Variants in AKAP19 observed in about 807,000 individuals in gnomAD.
AKAP19 encodes small A-kinase anchoring protein.
At chr2:190,096,528 C>G in the AKAP19 span, among the ~76,000 whole-genome samples, 1 of 152,142 alleles carries the variant, frequency 6.6e-6, no homozygotes, top group South Asian at 2.1e-4. Context: ...AGGGAGTTTG[C>G]TGCCTGTCTG....
At chr2:189,903,136 A>G in the AKAP19 span, among the ~76,000 whole-genome samples, 1 of 151,964 alleles carries the variant, frequency 6.6e-6, no homozygotes, top group African/African-American at 2.4e-5. Flanking sequence ...AAGATGGGCA[A>G]GATAGCTATA....
the AKAP19 span, among the ~76,000 whole-genome samples, chr2:190,182,140 T>C: frequency 6.6e-6 from 1 of 152,236 alleles, no homozygotes; most frequent in South Asian, 2.1e-4. Flanking sequence ...CACATTTTGA[T>C]TGAACACTTC....
the AKAP19 span, chr2:189,917,446 G>T: frequency 2.7e-6 from 2 of 735,990 alleles, no homozygotes; most frequent in Non-Finnish European, 4.7e-6. Context: ...TTTCTAGCTC[G>T]ATGTTTTTCA....
chr2:189,925,659 A>G, the AKAP19 span, among the ~76,000 whole-genome samples: 5 of 152,104 alleles, frequency 3.3e-5, no homozygotes, highest in Non-Finnish European at 7.4e-5. Flanking sequence ...TGTGCAATAC[A>G]TGTTTTCCGA....
At chr2:190,148,282 A>C in the AKAP19 span, among the ~76,000 whole-genome samples, 2 of 152,094 alleles carry the variant, frequency 1.3e-5, no homozygotes, top group African/African-American at 4.8e-5. Flanking sequence ...TTTTGTTTTC[A>C]ATTCTGTTTA....
the AKAP19 span, among the ~76,000 whole-genome samples, chr2:189,882,804 A>G: frequency 3.3e-5 from 5 of 152,110 alleles, no homozygotes; most frequent in African/African-American, 1.2e-4. Context: ...AGGGAGGTAC[A>G]TAGCTTTTAA....
chr2:189,930,749 T>C, the AKAP19 span: 1 of 686,486 alleles, frequency 1.5e-6, no homozygotes. Flanking sequence ...CACTCCCAGA[T>C]CTGTTTTACT....
the AKAP19 span, among the ~76,000 whole-genome samples, chr2:190,001,207 G>A: frequency 2.0e-5 from 3 of 151,964 alleles, no homozygotes; most frequent in African/African-American, 7.2e-5. Context: ...ATCTCTATCT[G>A]TTGGTTCTTT....
At chr2:190,103,802 A>G in the AKAP19 span, among the ~76,000 whole-genome samples, 1 of 152,222 alleles carries the variant, frequency 6.6e-6, no homozygotes, top group Non-Finnish European at 1.5e-5. Context: ...TCAAACTACC[A>G]ATGTCATTTT....
chr2:189,927,802 G>A, the AKAP19 span, among the ~76,000 whole-genome samples: 1 of 152,130 alleles, frequency 6.6e-6, no homozygotes, highest in Non-Finnish European at 1.5e-5. Context: ...CTAGCCATAT[G>A]TGGCTATTTA....
chr2:190,058,455 A>G, the AKAP19 span, among the ~76,000 whole-genome samples: 1 of 152,042 alleles, frequency 6.6e-6, no homozygotes, highest in Non-Finnish European at 1.5e-5. Flanking sequence ...ACTGTCAAAA[A>G]TAATAATATC....
chr2:190,141,542 C>A, the AKAP19 span, among the ~76,000 whole-genome samples: 1 of 152,128 alleles, frequency 6.6e-6, no homozygotes, highest in Non-Finnish European at 1.5e-5. Context: ...CACTGCTGAG[C>A]AAAGAGGGAA....
chr2:190,106,896 C>T, the AKAP19 span, among the ~76,000 whole-genome samples: 14 of 152,212 alleles, frequency 9.2e-5, 1 homozygote, highest in Admixed American at 9.2e-4. Flanking sequence ...TAAGTGGTGA[C>T]CATCACTGAG....
At chr2:189,986,020 T>G in the AKAP19 span, among the ~76,000 whole-genome samples, 1 of 151,960 alleles carries the variant, frequency 6.6e-6, no homozygotes, top group Non-Finnish European at 1.5e-5. Flanking sequence ...AAAAAGCAAT[T>G]TACAAAAGCA....
At chr2:190,191,453 A>G in the AKAP19 span, among the ~76,000 whole-genome samples, 2 of 152,080 alleles carry the variant, frequency 1.3e-5, no homozygotes, top group African/African-American at 4.8e-5. Context: ...CCAGCATACA[A>G]TTTTTTTATG....
At chr2:189,988,830 T>C in the AKAP19 span, among the ~76,000 whole-genome samples, 17 of 152,244 alleles carry the variant, frequency 1.1e-4, no homozygotes, top group African/African-American at 4.1e-4. Context: ...TGTACTAATT[T>C]CTCTCTATTG....
chr2:189,955,726 C>T, the AKAP19 span, among the ~76,000 whole-genome samples: 3 of 152,032 alleles, frequency 2.0e-5, no homozygotes, highest in South Asian at 2.1e-4. Flanking sequence ...TGATATTGAG[C>T]GAGCAAATTC....
the AKAP19 span, among the ~76,000 whole-genome samples, chr2:190,027,978 G>T: frequency 2.0e-5 from 3 of 152,078 alleles, no homozygotes; most frequent in Non-Finnish European, 2.9e-5. Context: ...GTAATTTTGT[G>T]TATGAAATTC....
At chr2:190,013,652 A>C in the AKAP19 span, among the ~76,000 whole-genome samples, 1 of 151,984 alleles carries the variant, frequency 6.6e-6, no homozygotes, top group Admixed American at 6.6e-5. Context: ...AGTAGCTGGG[A>C]TTACAGGTGC....
Sources: allele counts gnomAD v4.1 joint callset (sites outside exome capture counted in the v4.1 genomes callset), GRCh38; gene constraint gnomAD v4.1.1; transcripts MANE v1.5; gene names NCBI Gene and HGNC (gene_info 2026-07-23, HGNC 2026-07-21).